The following KCNMA1 variants were observed in gnomAD, a reference collection of about 807,000 sequenced individuals.
KCNMA1 encodes the protein potassium calcium-activated channel subfamily M alpha 1, also known as Calcium-activated potassium channel subunit alpha-1.
In KCNMA1, 29 loss-of-function variants were observed where a neutral mutation model predicts 140.0. The ratio of observed to expected loss-of-function variants is 0.21; its 90% CI spans 0.15 to 0.28. The LOEUF (loss-of-function observed/expected upper bound fraction) is 0.28. Among genes scored for constraint, KCNMA1 ranks in the 10% least tolerant of loss-of-function variants. The pLI is 1.00. For synonymous variants in KCNMA1, 612 were observed against 611.9 expected (o/e 1.00, Z 0.00); for missense variants, 880 against 1,602.2 (o/e 0.55, Z 7.70).
At chr10:77,000,371 G>A (rs1211653523) in intron 19 of KCNMA1, among the ~76,000 whole-genome samples, 1 of 152,124 alleles carries the variant, frequency 6.6e-6, no homozygotes, top group Non-Finnish European at 1.5e-5. Context: ...ACAGTCCCAG[G>A]GTCTCAAACT....
chr10:77,235,582 G>A (rs1311121781), intron 3 of KCNMA1, among the ~76,000 whole-genome samples: 1 of 152,182 alleles, frequency 6.6e-6, no homozygotes, highest in Non-Finnish European at 1.5e-5. Flanking sequence ...TCTTTCCTGT[G>A]CCTCATTTTC....
At chr10:76,908,474 A>G (rs765084711) in intron 25 of KCNMA1, among the ~76,000 whole-genome samples, 9 of 152,246 alleles carry the variant, frequency 5.9e-5, no homozygotes, top group Non-Finnish European at 1.2e-4. Flanking sequence ...TCTGATTTTT[A>G]AATAAGATAT....
intron 17 of KCNMA1, among the ~76,000 whole-genome samples, chr10:77,018,783 A>G (rs1031059608): frequency 6.6e-6 from 1 of 152,162 alleles, no homozygotes; most frequent in African/African-American, 2.4e-5. Context: ...TTTCTCCCTC[A>G]CAAAATAAAT....
At chr10:77,558,381 A>C (rs544305763) in intron 1 of KCNMA1, among the ~76,000 whole-genome samples, 3 of 152,160 alleles carry the variant, frequency 2.0e-5, no homozygotes, top group Non-Finnish European at 4.4e-5. Context: ...AATCCATTGG[A>C]TCACGATGAT....
chr10:77,198,137 G>A (rs755292496), intron 3 of KCNMA1, among the ~76,000 whole-genome samples: 5 of 152,122 alleles, frequency 3.3e-5, no homozygotes, highest in African/African-American at 4.8e-5. Context: ...AAATTCAGGA[G>A]AAACAAGGCA....
At chr10:77,107,249 G>GAAAAC (rs1478494064) in intron 9 of KCNMA1, among the ~76,000 whole-genome samples, 18 of 152,248 alleles carry the variant, frequency 1.2e-4, no homozygotes, top group African/African-American at 4.3e-4. Context: ...AACGAGAAGG[G>GAAAAC]AAAACAAAAC....
At chr10:77,053,818 G>A (rs1281031829) in intron 14 of KCNMA1, among the ~76,000 whole-genome samples, 1 of 152,164 alleles carries the variant, frequency 6.6e-6, no homozygotes, top group Non-Finnish European at 1.5e-5. Context: ...TAGACTGAGG[G>A]GTAGGTGCTT....
intron 1 of KCNMA1, chr10:77,587,616 T>C: frequency 2.7e-6 from 2 of 731,274 alleles, no homozygotes; most frequent in Non-Finnish European, 3.3e-6. Flanking sequence ...ACTTTCTGTG[T>C]CTGGGCTGCG....
At chr10:77,556,052 G>A (rs1307339372) in intron 1 of KCNMA1, among the ~76,000 whole-genome samples, 1 of 152,232 alleles carries the variant, frequency 6.6e-6, no homozygotes, top group African/African-American at 2.4e-5. Flanking sequence ...GACATATGGT[G>A]TGGACAGAGA....
intron 18 of KCNMA1, 104 bp from the exon 19 acceptor site, chr10:77,001,684 T>C (rs1172673494): frequency 1.1e-6 from 1 of 893,360 alleles, no homozygotes; most frequent in Admixed American, 2.4e-5. Flanking sequence ...TTAACACAGG[T>C]CTTAGTTCAC....
At chr10:76,893,100 G>A (rs541504508) in intron 25 of KCNMA1, among the ~76,000 whole-genome samples, 11 of 152,250 alleles carry the variant, frequency 7.2e-5, no homozygotes, top group Middle Eastern at 3.4e-3. Context: ...CTGGGCTGAG[G>A]GGTTTAATGC....
In KCNMA1 at chr10:76,887,349, G is replaced by T; in HGVS notation, c.3628C>A (p.Pro1210Thr). The T allele has an allele frequency of 6.2e-7, 1 of 1,614,106 alleles. No homozygotes were observed. Among genetic ancestry groups the T allele is most frequent in the South Asian group, 1.1e-5 (1 of 91,080 alleles). ...SKKSSSVHSI[P>T]STANRQNRPK... ...CGGTTCTGTCGGTTTGCTGTGGATGGGATGGAGTGAACAGAGGAGCTCTTC... is the reference window on the plus strand; with the variant it reads ...CGGTTCTGTCGGTTTGCTGTGGATGTGATGGAGTGAACAGAGGAGCTCTTC... Residue 1210 changes from proline (P) to threonine (T), a missense_variant, in exon 28 of 28, where the codon CCA becomes ACA. Physicochemically the swap from Pro to Thr is conservative, Grantham distance 38. Coordinates refer to ENST00000286628, the MANE Select transcript of KCNMA1 (RefSeq NM_001161352.2).
chr10:77,007,653 G>GTATGTATATATATATATATATATA (rs1555100473), intron 18 of KCNMA1, among the ~76,000 whole-genome samples: 1 of 88,482 alleles, frequency 1.1e-5, no homozygotes, highest in African/African-American at 4.5e-5. Flanking sequence ...TTGTGTGTGT[G>GTATGTATATATATATATATATATA]TATATATATA....
intron 23 of KCNMA1, among the ~76,000 whole-genome samples, chr10:76,936,898 T>G (rs2060708442): frequency 6.6e-6 from 1 of 152,200 alleles, no homozygotes; most frequent in Non-Finnish European, 1.5e-5. Context: ...AGGACATGAA[T>G]GCTTCCACTA....
chr10:77,617,402 A>C (rs2089961817), intron 1 of KCNMA1, among the ~76,000 whole-genome samples: 1 of 152,164 alleles, frequency 6.6e-6, no homozygotes, highest in Admixed American at 6.5e-5. Context: ...ACCACCCCTG[A>C]ATTAGGGCCA....
In KCNMA1 at chr10:76,957,917, A is replaced by G. The variant is rs754280429; in HGVS notation, c.2361-3993T>C. 7.5e-4 allele frequency among the ~76,000 whole-genome samples: 114 copies of G among 152,320 alleles called. 2 individuals carry two copies. Among genetic ancestry groups the G allele is most frequent in the Non-Finnish European group, 1.5e-3 (104 of 68,028 alleles). ...GTAACTGTTTCTGGCCAGACAGTAT[A>G]AATTTCTTTACTATGGCTGTTGCTG... is the stretch of plus-strand genomic sequence containing the variant. On this transcript the variant is annotated intron_variant, in intron 20 of 27. Coordinates refer to ENST00000286628, the MANE Select transcript of KCNMA1 (RefSeq NM_001161352.2).
intron 6 of KCNMA1, among the ~76,000 whole-genome samples, chr10:77,119,140 C>T (rs2097543255): frequency 6.6e-6 from 1 of 152,222 alleles, no homozygotes; most frequent in Admixed American, 6.5e-5. Flanking sequence ...CTGAGAGAGG[C>T]AGCACTGAGT....
chr10:77,518,977 T>C (rs1434261837), intron 1 of KCNMA1, among the ~76,000 whole-genome samples: 1 of 152,226 alleles, frequency 6.6e-6, no homozygotes, highest in East Asian at 1.9e-4. Context: ...TGGAAAATGC[T>C]GAGGTCTCTT....
intron 3 of KCNMA1, among the ~76,000 whole-genome samples, chr10:77,223,367 A>G (rs1482053849): frequency 1.3e-5 from 2 of 152,202 alleles, no homozygotes; most frequent in Non-Finnish European, 2.9e-5. Flanking sequence ...GGTCCTGCTC[A>G]GTTAACCTGC....
Sources: gnomAD v4.1 joint callset for allele counts (sites outside exome capture counted in the v4.1 genomes callset) on GRCh38, gnomAD v4.1.1 for gene constraint, MANE v1.5 for transcripts, NCBI Gene and HGNC (gene_info 2026-07-23, HGNC 2026-07-21) for gene names.